Variants in GLP2R observed in about 807,000 individuals in gnomAD.
The protein encoded by GLP2R is glucagon like peptide 2 receptor.
GLP2R carries 59 observed loss-of-function variants against 68.2 expected under a neutral mutation model. That is an observed-to-expected ratio of 0.87 (90% CI 0.70 to 1.07). GLP2R has a LOEUF of 1.07. Ranked by LOEUF, GLP2R falls within the 50% of genes least tolerant of loss-of-function variation. The pLI, the probability that GLP2R is intolerant of heterozygous loss-of-function variation, is 0.00. For synonymous variants in GLP2R, 270 were observed against 265.4 expected (o/e 1.02, Z -0.17); for missense variants, 548 against 677.4 (o/e 0.81, Z 2.12).
At chr17:9,847,147 A>G (rs2066846690) in intron 4 of GLP2R, among the ~76,000 whole-genome samples, 1 of 152,276 alleles carries the variant, frequency 6.6e-6, no homozygotes, top group African/African-American at 2.4e-5. Flanking sequence ...ACAACAGCAA[A>G]AATAACCCCA....
chr17:9,884,843 C>T (rs1458764392), intron 11 of GLP2R, among the ~76,000 whole-genome samples: 4 of 151,886 alleles, frequency 2.6e-5, no homozygotes, highest in Non-Finnish European at 5.9e-5. Context: ...TGTTCCTGGC[C>T]GTAATCTTCT....
chr17:9,838,200 AG>A (rs994818589), intron 3 of GLP2R, among the ~76,000 whole-genome samples: 1 of 152,138 alleles, frequency 6.6e-6, no homozygotes, highest in Non-Finnish European at 1.5e-5. Context: ...TGGAGTCAGG[AG>A]CCCCGAGGTC....
chr17:9,854,419 C>A, intron 4 of GLP2R, 76 bp from the exon 5 acceptor site: 1 of 862,544 alleles, frequency 1.2e-6, no homozygotes, highest in Non-Finnish European at 2.0e-6. Context: ...CCCTTGGTGG[C>A]CCTGGGTGTG....
At position 9,875,956 on chromosome 17, in the gene GLP2R, C is replaced by G. The variant is rs527630191; in HGVS notation, c.1146-4422C>G. On this transcript the variant is annotated intron_variant, in intron 10 of 12. Transcript: ENST00000262441. ...GCAATGGCACGATCTTGGCTCAGCA[C>G]AACTTCCGTCTCCCAGGTTCAAGTG... 2.6e-5 allele frequency among the ~76,000 whole-genome samples: 4 copies of G among 152,346 alleles called. 1 individual carries two copies. Among genetic ancestry groups the G allele is most frequent in the East Asian group, 3.9e-4 (2 of 5,188 alleles).
intron 4 of GLP2R, among the ~76,000 whole-genome samples, chr17:9,845,883 G>A (rs1357108): frequency 0.79 from 120,542 of 152,084 alleles, 48,049 homozygotes; most frequent in East Asian, 0.91. Context: ...TAGTAAGTTA[G>A]TCTACTTTCG....
chr17:9,884,349 A>G (rs771737759), intron 11 of GLP2R, among the ~76,000 whole-genome samples: 6 of 152,208 alleles, frequency 3.9e-5, no homozygotes, highest in Non-Finnish European at 7.4e-5. Flanking sequence ...AAATTATTAT[A>G]CCTATTTTAA....
chr17:9,830,620 C>T (rs537793327), intron 1 of GLP2R, among the ~76,000 whole-genome samples: 1 of 152,058 alleles, frequency 6.6e-6, no homozygotes, highest in East Asian at 1.9e-4. Context: ...GCTTGTATAC[C>T]CCAGGGCACC....
intron 1 of GLP2R, among the ~76,000 whole-genome samples, chr17:9,830,947 T>G (rs987358205): frequency 1.3e-5 from 2 of 152,252 alleles, no homozygotes; most frequent in African/African-American, 2.4e-5. Context: ...GCATAAATAT[T>G]TATTAAGTTG....
chr17:9,856,908 G>A (rs1230593410), intron 5 of GLP2R, among the ~76,000 whole-genome samples: 1 of 152,014 alleles, frequency 6.6e-6, no homozygotes, highest in Non-Finnish European at 1.5e-5. Context: ...TGTTGAAGAT[G>A]TTTTGTAGGT....
intron 9 of GLP2R, among the ~76,000 whole-genome samples, chr17:9,864,480 C>CT (rs2067015723): frequency 8.5e-6 from 1 of 117,880 alleles, no homozygotes; most frequent in African/African-American, 4.2e-5. Flanking sequence ...GTAGTTTTTT[C>CT]TGTTTTTTTG....
chr17:9,827,641 C>T (rs9914625), intron 1 of GLP2R, among the ~76,000 whole-genome samples: 36,666 of 152,012 alleles, frequency 0.24, 5,637 homozygotes, highest in Non-Finnish European at 0.35. Flanking sequence ...ACCCCAGTTC[C>T]ACTTGTCTGA....
intron 2 of GLP2R, among the ~76,000 whole-genome samples, chr17:9,835,670 T>C (rs1299515354): frequency 6.6e-6 from 1 of 152,124 alleles, no homozygotes; most frequent in Non-Finnish European, 1.5e-5. Context: ...TTGATGATTA[T>C]TTAGCTGATT....
intron 12 of GLP2R, 60 bp downstream of exon 12, chr17:9,888,033 C>T (rs1373154431): frequency 1.7e-6 from 2 of 1,154,568 alleles, no homozygotes; most frequent in Non-Finnish European, 2.6e-6. Context: ...ACCCTACCCA[C>T]CTCTGGAGGT....
At chr17:9,883,545 T>A (rs2067215658) in intron 11 of GLP2R, among the ~76,000 whole-genome samples, 1 of 152,152 alleles carries the variant, frequency 6.6e-6, no homozygotes, top group African/African-American at 2.4e-5. Flanking sequence ...AAGAAATTCA[T>A]GCCTGGAAAC....
At chr17:9,846,755 A>G (rs1386391291) in intron 4 of GLP2R, among the ~76,000 whole-genome samples, 1 of 152,232 alleles carries the variant, frequency 6.6e-6, no homozygotes, top group Non-Finnish European at 1.5e-5. Flanking sequence ...AAATAAAAAA[A>G]TTCTATACCT....
intron 9 of GLP2R, among the ~76,000 whole-genome samples, chr17:9,863,941 G>T (rs1403512381): frequency 1.3e-5 from 2 of 152,164 alleles, no homozygotes; most frequent in African/African-American, 2.4e-5. Context: ...GACCCTGAAA[G>T]GTTCTTGCTA....
chr17:9,838,055 G>A (rs2066750003), intron 3 of GLP2R, among the ~76,000 whole-genome samples: 1 of 152,158 alleles, frequency 6.6e-6, no homozygotes, highest in African/African-American at 2.4e-5. Context: ...AATCCAGTTG[G>A]AATCATCCCA....
intron 9 of GLP2R, chr17:9,866,665 G>A (rs1200867366): frequency 6.6e-6 from 1 of 152,164 alleles, no homozygotes; most frequent in Non-Finnish European, 1.5e-5. Context: ...CATTCATTGA[G>A]CACCTTCACT....
intron 1 of GLP2R, among the ~76,000 whole-genome samples, chr17:9,827,710 C>T (rs2066645037): frequency 6.6e-6 from 1 of 152,096 alleles, no homozygotes; most frequent in South Asian, 2.1e-4. Context: ...CGCCTGTAAC[C>T]CCAACACTTT....
Sources: gnomAD v4.1 joint callset for allele counts (sites outside exome capture counted in the v4.1 genomes callset) on GRCh38, gnomAD v4.1.1 for gene constraint, MANE v1.5 for transcripts, NCBI Gene and HGNC (gene_info 2026-07-23, HGNC 2026-07-21) for gene names.